GRM8: variants seen among roughly 807,000 people sequenced by gnomAD.
GRM8 encodes glutamate metabotropic receptor 8.
In GRM8, 47 loss-of-function variants were observed where a neutral mutation model predicts 87.2. The observed-to-expected ratio is 0.54, with a 90% CI of 0.43 to 0.69. The LOEUF (loss-of-function observed/expected upper bound fraction) is 0.69, where lower values mean the gene tolerates loss of function less well. Among genes scored for constraint, GRM8 ranks in the 30% least tolerant of loss-of-function variants. The pLI is 0.00. For missense variants in GRM8, 1,019 were observed against 1,139.2 expected (o/e 0.89, Z 1.52); for synonymous variants, 396 against 404.5 (o/e 0.98, Z 0.25).
chr7:126,981,027 TA>T (rs1286960453), intron 3 of GRM8: 1 of 152,266 alleles, frequency 6.6e-6, no homozygotes, highest in Non-Finnish European at 1.5e-5. Flanking sequence ...TGTCAGGTGC[TA>T]AGCCCACCAC....
chr7:127,073,511 C>T (rs73442177), intron 3 of GRM8, among the ~76,000 whole-genome samples: 18 of 152,298 alleles, frequency 1.2e-4, no homozygotes, highest in African/African-American at 3.9e-4. Flanking sequence ...CTGTTCTCTG[C>T]ATCACCCACA....
At chr7:126,805,826 C>T (rs1792621433) in intron 6 of GRM8, among the ~76,000 whole-genome samples, 1 of 152,142 alleles carries the variant, frequency 6.6e-6, no homozygotes, top group Non-Finnish European at 1.5e-5. Context: ...ATGAGAATCC[C>T]AGGGTAGAGC....
intron 8 of GRM8, among the ~76,000 whole-genome samples, chr7:126,594,126 C>A (rs536018274): frequency 1.3e-5 from 2 of 151,898 alleles, no homozygotes; most frequent in African/African-American, 4.8e-5. Flanking sequence ...TGGAATTTTG[C>A]AAGCTGTTGG....
At chr7:126,628,406 A>G (rs1167320433) in intron 7 of GRM8, among the ~76,000 whole-genome samples, 2 of 152,158 alleles carry the variant, frequency 1.3e-5, no homozygotes, top group African/African-American at 4.8e-5. Flanking sequence ...ATCTTTCTTG[A>G]AAGTTTTGTA....
intron 7 of GRM8, among the ~76,000 whole-genome samples, chr7:126,625,072 A>T (rs1800541096): frequency 6.6e-6 from 1 of 152,208 alleles, no homozygotes; most frequent in South Asian, 2.1e-4. Flanking sequence ...TGAGTTCTCA[A>T]TGAATAGTTA....
chr7:126,517,006 T>C (rs1005635694), intron 9 of GRM8, among the ~76,000 whole-genome samples: 3 of 152,080 alleles, frequency 2.0e-5, no homozygotes, highest in African/African-American at 7.2e-5. Context: ...CTCTTTCTAC[T>C]TAGTCATATT....
At chr7:126,570,127 T>A (rs982842656) in intron 8 of GRM8, among the ~76,000 whole-genome samples, 10 of 152,228 alleles carry the variant, frequency 6.6e-5, no homozygotes, top group African/African-American at 2.4e-4. Context: ...TATTTTCTTT[T>A]GTTGTCTATT....
intron 2 of GRM8, among the ~76,000 whole-genome samples, chr7:127,239,124 ATGT>A (rs1458415781): frequency 1.3e-5 from 2 of 152,216 alleles, no homozygotes; most frequent in African/African-American, 4.8e-5. Context: ...TGCATGGAAG[ATGT>A]TGTCTCCTTC....
intron 7 of GRM8, among the ~76,000 whole-genome samples, chr7:126,687,644 G>C (rs764010097): frequency 6.8e-6 from 1 of 147,854 alleles, no homozygotes; most frequent in Non-Finnish European, 1.5e-5. Flanking sequence ...TGGTATGCCT[G>C]TCTTCAAACA....
chr7:126,676,630 C>T lies in GRM8; in HGVS notation c.1358-67132G>A, dbSNP rs373279833. On this transcript the variant is annotated intron_variant, in intron 7 of 10. Transcript: ENST00000339582. Reference sequence around the variant, plus strand: ...ACAAAAACATACACTAGGGAAAGGACACTCTATTCAATAAATGGTGCTGGG... The same window carrying T: ...ACAAAAACATACACTAGGGAAAGGATACTCTATTCAATAAATGGTGCTGGG... Among the ~76,000 whole-genome samples, 49 of 152,242 alleles carry T rather than the reference C, an allele frequency of 3.2e-4. 2 individuals carry two copies. The highest frequency in any genetic ancestry group is 1.1e-3 in the African/African-American group (46 of 41,566).
intron 3 of GRM8, among the ~76,000 whole-genome samples, chr7:126,929,107 A>C (rs1400994959): frequency 1.3e-5 from 2 of 152,248 alleles, no homozygotes; most frequent in Non-Finnish European, 2.9e-5. Flanking sequence ...AACAAGAAAA[A>C]GGAAATTTGC....
At chr7:127,173,433 C>G (rs1226549842) in intron 2 of GRM8, among the ~76,000 whole-genome samples, 2 of 151,922 alleles carry the variant, frequency 1.3e-5, no homozygotes, top group African/African-American at 2.4e-5. Flanking sequence ...CCAGGAAAAG[C>G]AAGAAGGACA....
intron 7 of GRM8, among the ~76,000 whole-genome samples, chr7:126,753,160 C>A (rs1228394700): frequency 6.6e-6 from 1 of 151,888 alleles, no homozygotes; most frequent in Non-Finnish European, 1.5e-5. Context: ...TGGATCTAGT[C>A]CCAATTCCTT....
chr7:126,698,708 A>G (rs1323518364), intron 7 of GRM8, among the ~76,000 whole-genome samples: 2 of 152,196 alleles, frequency 1.3e-5, no homozygotes, highest in Non-Finnish European at 2.9e-5. Context: ...GAATGAATGA[A>G]GCAACAAAAC....
chr7:126,942,759 G>A (rs745307196), intron 3 of GRM8, among the ~76,000 whole-genome samples: 10 of 152,114 alleles, frequency 6.6e-5, no homozygotes, highest in African/African-American at 9.7e-5. Context: ...GAGACTCACC[G>A]GTGCTAACCT....
chr7:126,575,563 A>G (rs185219454), intron 8 of GRM8, among the ~76,000 whole-genome samples: 14 of 152,118 alleles, frequency 9.2e-5, no homozygotes, highest in African/African-American at 3.4e-4. Context: ...CCGCTGCTAT[A>G]GGGAATAAAA....
intron 2 of GRM8, among the ~76,000 whole-genome samples, chr7:127,108,110 C>T (rs531871032): frequency 8.5e-5 from 13 of 152,228 alleles, no homozygotes; most frequent in African/African-American, 2.6e-4. Flanking sequence ...TCTGACCCAC[C>T]TCCTCCTGCC....
chr7:126,573,570 T>C (rs2150991473), intron 8 of GRM8, among the ~76,000 whole-genome samples: 1 of 148,778 alleles, frequency 6.7e-6, no homozygotes, highest in East Asian at 2.0e-4. Flanking sequence ...TTACCTTTAT[T>C]TCATTTTATT....
chr7:127,062,349 G>A (rs1165972299), intron 3 of GRM8, among the ~76,000 whole-genome samples: 2 of 152,102 alleles, frequency 1.3e-5, no homozygotes, highest in Non-Finnish European at 2.9e-5. Flanking sequence ...GCATGCAATA[G>A]GGAGTCATTG....
Sources: gnomAD v4.1 joint callset for allele counts (sites outside exome capture counted in the v4.1 genomes callset) on GRCh38, gnomAD v4.1.1 for gene constraint, MANE v1.5 for transcripts, NCBI Gene and HGNC (gene_info 2026-07-23, HGNC 2026-07-21) for gene names.